The following EXT1 variants were observed in gnomAD, a reference collection of about 807,000 sequenced individuals.
EXT1 encodes exostosin-1.
A neutral mutation model predicts 82.5 loss-of-function variants in EXT1; 20 were observed. The ratio of observed to expected loss-of-function variants is 0.24; its 90% CI spans 0.17 to 0.35. The LOEUF (loss-of-function observed/expected upper bound fraction) is 0.35. Among genes scored for constraint, EXT1 ranks in the 10% least tolerant of loss-of-function variants. The probability of loss-of-function intolerance (pLI) is 1.00; values close to 1 mark genes in which losing one functional copy is unlikely to be tolerated. For missense variants in EXT1, 757 were observed against 936.5 expected (o/e 0.81, Z 2.50); for synonymous variants, 348 against 350.8 (o/e 0.99, Z 0.09).
chr8:118,071,844 C>T (rs1817101029), intron 1 of EXT1, among the ~76,000 whole-genome samples: 1 of 152,170 alleles, frequency 6.6e-6, no homozygotes, highest in Non-Finnish European at 1.5e-5. Flanking sequence ...AGCTCCCACT[C>T]TTTGAGCTCC....
At chr8:117,969,007 G>A (rs567587560) in intron 1 of EXT1, among the ~76,000 whole-genome samples, 9 of 152,300 alleles carry the variant, frequency 5.9e-5, no homozygotes, top group African/African-American at 2.2e-4. Flanking sequence ...GAAGGAAAAT[G>A]CGAAAAGCAG....
chr8:117,862,199 TA>T (rs1271492179), intron 1 of EXT1, among the ~76,000 whole-genome samples: 1 of 145,422 alleles, frequency 6.9e-6, no homozygotes, highest in Non-Finnish European at 1.5e-5. Context: ...GACAGGGCAT[TA>T]CAATCATTAA....
rs770602807 is a variant in EXT1 at position 117,804,755 on chromosome 8, C to T, written c.2022G>A (p.Gln674=). The change falls in exon 10 of 11, where the codon CAG becomes CAA. Residue 674 remains glutamine, a synonymous_variant. Transcript: ENST00000378204. ...VTKLPPIKVT[Q]KKQYKETMMG... ...TCATTGTCTCCTTATACTGCTTCTT[C>T]TGGGTCACTTTGATTGGAGGCAATT... The T allele has an allele frequency of 1.2e-6, 2 of 1,614,150 alleles. No individual in the cohort carries two copies. Among genetic ancestry groups the T allele is most frequent in the Non-Finnish European group, 1.7e-6 (2 of 1,180,002 alleles).
Position 118,110,805 on chromosome 8 carries a change from G to A in EXT1, c.242C>T (p.Ser81Phe), listed in dbSNP as rs1456372365. 5.6e-6 allele frequency: 9 copies of A among 1,613,492 alleles called. No homozygotes were observed. The East Asian group carries it at 6.7e-5, about 12-fold the overall frequency. ...GTTGGCATCTCGCTTCTGCCGGGGG[G>A]AAATGTGCACGCTGGAATCCTCGTT... The part of the protein sequence containing the change: ...LENEDSSVHI[S>F]PRQKRDANSS... The change falls in exon 1 of 11, where the codon TCC becomes TTC. Residue 81 changes from serine (S) to phenylalanine (F), a missense_variant. Coordinates refer to ENST00000378204, the MANE Select transcript of EXT1 (RefSeq NM_000127.3).
At chr8:118,016,178 G>A (rs1816000917) in intron 1 of EXT1, among the ~76,000 whole-genome samples, 1 of 152,196 alleles carries the variant, frequency 6.6e-6, no homozygotes, top group East Asian at 1.9e-4. Flanking sequence ...GATCACTAGA[G>A]GCCAGGAGTT....
At chr8:118,096,185 A>C (rs550202748) in intron 1 of EXT1, among the ~76,000 whole-genome samples, 1 of 152,220 alleles carries the variant, frequency 6.6e-6, no homozygotes, top group African/African-American at 2.4e-5. Context: ...CAATATCTAC[A>C]GACTGTTAAA....
At position 118,087,311 on chromosome 8, in the gene EXT1, T is replaced by C. The variant is rs536709767; in HGVS notation, c.962+22774A>G. Among the ~76,000 whole-genome samples, 11 of 152,356 alleles carry C rather than the reference T, an allele frequency of 7.2e-5. 1 individual carries two copies. In the South Asian group the frequency reaches 1.4e-3, roughly 20 times the overall value. The stretch of plus-strand genomic sequence containing the variant: ...AATCCAATGCTACAAAACCATTGAA[T>C]CGTTTCATCAGATATTCACATACTA... On this transcript the variant is annotated intron_variant, in intron 1 of 10. Coordinates refer to ENST00000378204, the MANE Select transcript of EXT1 (RefSeq NM_000127.3).
At chr8:117,944,879 TC>T (rs1298076984) in intron 1 of EXT1, among the ~76,000 whole-genome samples, 1 of 151,966 alleles carries the variant, frequency 6.6e-6, no homozygotes, top group African/African-American at 2.4e-5. Flanking sequence ...ATAGATCATC[TC>T]GGCCAGGCGC....
At chr8:118,084,294 A>G (rs1817382111) in intron 1 of EXT1, among the ~76,000 whole-genome samples, 1 of 152,214 alleles carries the variant, frequency 6.6e-6, no homozygotes, top group African/African-American at 2.4e-5. Context: ...TAAAGTGACT[A>G]TGTCCCAGAT....
chr8:117,912,959 C>A (rs573101688), intron 1 of EXT1, among the ~76,000 whole-genome samples: 1 of 152,286 alleles, frequency 6.6e-6, no homozygotes, highest in South Asian at 2.1e-4. Flanking sequence ...CACAGTGGCT[C>A]ATGCCTATAA....
At chr8:117,925,915 C>CA (rs1813944848) in intron 1 of EXT1, among the ~76,000 whole-genome samples, 1 of 151,960 alleles carries the variant, frequency 6.6e-6, no homozygotes, top group East Asian at 1.9e-4. Flanking sequence ...AATGAACAAA[C>CA]AAAAAAACAA....
At chr8:117,907,914 G>A (rs904209299) in intron 1 of EXT1, among the ~76,000 whole-genome samples, 1 of 152,190 alleles carries the variant, frequency 6.6e-6, no homozygotes, top group African/African-American at 2.4e-5. Context: ...TTTTACACTT[G>A]AACAGTAAGA....
At chr8:117,852,248 G>A (rs1248317097) in intron 1 of EXT1, among the ~76,000 whole-genome samples, 1 of 152,132 alleles carries the variant, frequency 6.6e-6, no homozygotes, top group East Asian at 1.9e-4. Flanking sequence ...ATGCTTTTTG[G>A]AGATGTCCCA....
rs140414066 is a variant in EXT1 at position 117,875,700 on chromosome 8, A to G, written c.963-38499T>C. On this transcript the variant is annotated intron_variant, in intron 1 of 10. Transcript: ENST00000378204. ...AAGCAAAAATTATCCGTTGCCAAGT[A>G]CCATCTTTGGGGAGAGGAGTTGAGG... 2.7e-3 allele frequency among the ~76,000 whole-genome samples: 404 copies of G among 152,286 alleles called. 3 individuals carry two copies. Among genetic ancestry groups the G allele is most frequent in the African/African-American group, 9.2e-3 (382 of 41,576 alleles).
chr8:117,933,797 C>T (rs1266665034), intron 1 of EXT1, among the ~76,000 whole-genome samples: 1 of 152,140 alleles, frequency 6.6e-6, no homozygotes, highest in Non-Finnish European at 1.5e-5. Flanking sequence ...TAATCCAGTC[C>T]ACTACCCTTA....
chr8:117,976,295 T>C (rs1382240774), intron 1 of EXT1, among the ~76,000 whole-genome samples: 1 of 152,226 alleles, frequency 6.6e-6, no homozygotes, highest in Non-Finnish European at 1.5e-5. Context: ...TAAGTGTTTG[T>C]TTCCATCAAA....
chr8:117,888,081 T>C (rs1470591981), intron 1 of EXT1, among the ~76,000 whole-genome samples: 1 of 150,992 alleles, frequency 6.6e-6, no homozygotes, highest in African/African-American at 2.4e-5. Context: ...TGAAACTCCA[T>C]CTCAAAAATA....
intron 1 of EXT1, among the ~76,000 whole-genome samples, chr8:118,014,263 C>T (rs1319637774): frequency 6.6e-6 from 1 of 152,066 alleles, no homozygotes; most frequent in Admixed American, 6.5e-5. Context: ...CTTCAGCCTT[C>T]CTCCCATGGA....
Position 118,078,442 on chromosome 8 carries a change from C to A in EXT1, c.962+31643G>T, listed in dbSNP as rs183029802. ...TCGAACTCTGACCTCAATTGATACA[C>A]CCACCTCAGCCTCCCAGAGTGTTGA... On this transcript the variant is annotated intron_variant, in intron 1 of 10. Transcript: ENST00000378204. Among the ~76,000 whole-genome samples, 404 of 152,184 alleles carry A rather than the reference C, an allele frequency of 2.7e-3. 1 individual carries two copies. The highest frequency in any genetic ancestry group is 4.3e-3 in the Non-Finnish European group (292 of 68,016).
Sources: gnomAD v4.1 joint callset for allele counts (sites outside exome capture counted in the v4.1 genomes callset) on GRCh38, gnomAD v4.1.1 for gene constraint, MANE v1.5 for transcripts, NCBI Gene and HGNC (gene_info 2026-07-23, HGNC 2026-07-21) for gene names.